Variants in SUSD4 observed in about 807,000 individuals in gnomAD.
SUSD4 encodes the protein sushi domain containing 4.
In SUSD4, 41 loss-of-function variants were observed where a neutral mutation model predicts 50.5. The observed-to-expected ratio is 0.81, with a 90% CI of 0.63 to 1.05. The LOEUF (loss-of-function observed/expected upper bound fraction) is 1.05, where lower values mean the gene tolerates loss of function less well. SUSD4 is among the 50% of genes least tolerant of loss of function. The pLI, the probability that SUSD4 is intolerant of heterozygous loss-of-function variation, is 0.00. For synonymous variants in SUSD4, 257 were observed against 257.3 expected, an observed-to-expected ratio of 1.00 and a Z score of 0.01; for missense variants, 580 against 634.7, an observed-to-expected ratio of 0.91 and a Z score of 0.93.
intron 4 of SUSD4, among the ~76,000 whole-genome samples, chr1:223,266,132 T>G (rs1662475135): frequency 1.3e-5 from 2 of 152,220 alleles, no homozygotes; most frequent in Admixed American, 6.5e-5. Context: ...TGCTGTGTCC[T>G]GGGGCCATGC....
chr1:223,341,232 C>T (rs1166400585), intron 2 of SUSD4, among the ~76,000 whole-genome samples: 2 of 152,180 alleles, frequency 1.3e-5, no homozygotes, highest in Non-Finnish European at 2.9e-5. Context: ...CATGGGAACC[C>T]GAAAGGCAGA....
At chr1:223,364,604 C>A (rs1213426036), upstream of SUSD4, among the ~76,000 whole-genome samples, 1 of 151,058 alleles carries the variant, frequency 6.6e-6, no homozygotes, top group Non-Finnish European at 1.5e-5. The surrounding 1 kb of genome is among the most constrained non-coding windows in gnomAD (Gnocchi z 4.5). Context: ...GGACTGCAGC[C>A]CCTGCCCCGG....
At chr1:223,304,416 T>A (rs1665389540) in intron 2 of SUSD4, among the ~76,000 whole-genome samples, 1 of 152,140 alleles carries the variant, frequency 6.6e-6, no homozygotes, top group Admixed American at 6.6e-5. Context: ...CCCTACATAG[T>A]AGGTCCTGAA....
intron 3 of SUSD4, among the ~76,000 whole-genome samples, chr1:223,290,317 G>GC (rs1199853211): frequency 6.6e-6 from 1 of 152,082 alleles, no homozygotes; most frequent in Non-Finnish European, 1.5e-5. Context: ...TCTCCCTCCA[G>GC]CCCCCTATAA....
At chr1:223,361,561 A>T (rs1668980940) in intron 2 of SUSD4, among the ~76,000 whole-genome samples, 1 of 152,142 alleles carries the variant, frequency 6.6e-6, no homozygotes. Context: ...GGTGGCCATG[A>T]TGTACACTGA....
intron 3 of SUSD4, among the ~76,000 whole-genome samples, chr1:223,271,790 G>GT (rs1292102531): frequency 6.6e-6 from 1 of 152,208 alleles, no homozygotes; most frequent in Non-Finnish European, 1.5e-5. Flanking sequence ...GTTCTCTGTA[G>GT]TAGTGAAAAA....
Position 223,223,171 on chromosome 1 carries a change from C to A in SUSD4, c.1444+78G>T, listed in dbSNP as rs562783400. 5.8e-5 allele frequency: 87 copies of A among 1,489,678 alleles called. 1 individual carries two copies. The Middle Eastern group carries it at 2.2e-3, about 38-fold the overall frequency. 92.3% of individuals were successfully genotyped at this position (1,489,678 alleles called of 1,614,324 possible). A position where few individuals can be genotyped will look rare whatever the true frequency, so the allele number is the denominator to read the frequency against. Reference sequence around the variant, plus strand: ...ACTCTGTGCTGGGGGGTGGAGCGTGCGTAGCAAGGAGCTGGCTTGAAGATG... The same window carrying A: ...ACTCTGTGCTGGGGGGTGGAGCGTGAGTAGCAAGGAGCTGGCTTGAAGATG... On this transcript the variant is annotated intron_variant, in intron 8 of 8. Coordinates refer to ENST00000366878, the MANE Select transcript of SUSD4 (RefSeq NM_017982.4).
rs536503785 is a variant in SUSD4 at position 223,231,291 on chromosome 1, C to T, written c.725-1903G>A. ...AAGGGGGTCTGGGAAACAGGGTCTG[C>T]GGTGGACAGCCTGTCTAGATCTGGT... On this transcript the variant is annotated intron_variant, in intron 5 of 8. Transcript: ENST00000366878. This position sits in a 1 kb window ranked among gnomAD's most constrained non-coding sequence, Gnocchi z 4.2. Among the ~76,000 whole-genome samples the T allele has an allele frequency of 8.5e-5, 13 of 152,200 alleles. No homozygotes were observed. Among genetic ancestry groups the T allele is most frequent in the East Asian group, 7.7e-4 (4 of 5,162 alleles).
In SUSD4 at chr1:223,363,368, G is replaced by T; in HGVS notation, c.58C>A (p.Gln20Lys). 1 of 1,596,266 alleles carries T rather than the reference G, an allele frequency of 6.3e-7. No homozygotes were observed. The highest frequency in any genetic ancestry group is 1.1e-5 in the South Asian group (1 of 87,984). Reference sequence around the variant, plus strand: ...CTCTGGGGGGACTGAGGTTGCTGCTGCTGCTGCTGCTGCTCTAGAAATCCA... The same window carrying T: ...CTCTGGGGGGACTGAGGTTGCTGCTTCTGCTGCTGCTGCTCTAGAAATCCA... The part of the protein sequence containing the change: ...GDGFLEQQQQ[Q>K]QQPQSPQRLL... Residue 20 changes from glutamine to lysine, a missense_variant, in exon 2 of 9, where the codon CAG (glutamine) becomes AAG (lysine). Coordinates refer to ENST00000366878, the MANE Select transcript of SUSD4 (RefSeq NM_017982.4).
chr1:223,324,246 A>T (rs1420460002), intron 2 of SUSD4, among the ~76,000 whole-genome samples: 1 of 150,470 alleles, frequency 6.6e-6, no homozygotes, highest in African/African-American at 2.5e-5. Flanking sequence ...GACAGCTAAC[A>T]GATGGCCATG....
intron 5 of SUSD4, among the ~76,000 whole-genome samples, chr1:223,232,975 C>T (rs1659991661): frequency 6.6e-6 from 1 of 152,166 alleles, no homozygotes; most frequent in Non-Finnish European, 1.5e-5. Flanking sequence ...TAAATAATAG[C>T]TATTAGTATC....
intron 2 of SUSD4, among the ~76,000 whole-genome samples, chr1:223,316,699 C>T (rs1046244355): frequency 6.6e-6 from 1 of 152,160 alleles, no homozygotes; most frequent in Non-Finnish European, 1.5e-5. Flanking sequence ...CTCACATTCA[C>T]ACACCCATTT....
chr1:223,289,529 T>C (rs1411158282), intron 3 of SUSD4, among the ~76,000 whole-genome samples: 1 of 152,182 alleles, frequency 6.6e-6, no homozygotes, highest in Non-Finnish European at 1.5e-5. Flanking sequence ...TAGAGCACTT[T>C]ACTGTCATAA....
chr1:223,306,870 T>C (rs529739081), intron 2 of SUSD4, among the ~76,000 whole-genome samples: 1 of 152,100 alleles, frequency 6.6e-6, no homozygotes, highest in South Asian at 2.1e-4. Flanking sequence ...GCTACCTGTC[T>C]AGCTAACCCT....
At chr1:223,265,173 C>T (rs1662405421) in intron 4 of SUSD4, among the ~76,000 whole-genome samples, 1 of 152,164 alleles carries the variant, frequency 6.6e-6, no homozygotes. Flanking sequence ...AGTACCTGGG[C>T]CCCATGCCCA....
chr1:223,313,408 A>T (rs1665995299), intron 2 of SUSD4, among the ~76,000 whole-genome samples: 2 of 152,164 alleles, frequency 1.3e-5, no homozygotes, highest in African/African-American at 4.8e-5. Flanking sequence ...AAAGATTTGC[A>T]TTTGGGACCC....
intron 3 of SUSD4, among the ~76,000 whole-genome samples, chr1:223,280,400 A>G (rs1404979048): frequency 8.2e-6 from 1 of 122,380 alleles, no homozygotes; most frequent in Non-Finnish European, 1.6e-5. Context: ...AGATCTACCA[A>G]GCGAATGGAA....
At position 223,222,195 on chromosome 1, in the gene SUSD4, G is replaced by T. The variant is rs377141491; in HGVS notation, c.1470C>A (p.Pro490=). ...GTCATCTGGATCTTGACCCATATTA[G>T]GGATCTTCTTCCATTAGAGGAATCT... is the stretch of plus-strand genomic sequence containing the variant. ...ADEIPLMEED[P] Residue 490 remains proline, a synonymous_variant, in exon 9 of 9, where the codon CCC becomes CCA. Coordinates refer to ENST00000366878, the MANE Select transcript of SUSD4 (RefSeq NM_017982.4). 177 of 1,613,458 alleles carry T rather than the reference G, an allele frequency of 1.1e-4. No homozygotes were observed. The Middle Eastern group carries it at 2.6e-3, about 24-fold the overall frequency.
At chr1:223,362,040 T>TAA (rs150293074) in intron 2 of SUSD4, among the ~76,000 whole-genome samples, 1 of 149,886 alleles carries the variant, frequency 6.7e-6, no homozygotes, top group East Asian at 1.9e-4. Context: ...TATTCCTTCT[T>TAA]AAAAAAAAAA....
Sources: allele counts gnomAD v4.1 joint callset (sites outside exome capture counted in the v4.1 genomes callset), GRCh38; gene constraint gnomAD v4.1.1; non-coding constraint Gnocchi (gnomAD v3.1); transcripts MANE v1.5; gene names NCBI Gene and HGNC (gene_info 2026-07-23, HGNC 2026-07-21).